Variants in CYB5B observed in about 807,000 individuals in gnomAD.
The protein encoded by CYB5B is cytochrome b5 type B (outer mitochondrial membrane).
A neutral mutation model predicts 21.3 loss-of-function variants in CYB5B; 14 were observed. That is an observed-to-expected ratio of 0.66 (90% CI 0.43 to 1.03). CYB5B has a LOEUF of 1.03. CYB5B is among the 50% of genes least tolerant of loss of function. The probability of loss-of-function intolerance (pLI) is 0.00; values close to 1 mark genes in which losing one functional copy is unlikely to be tolerated. For missense variants in CYB5B, 166 were observed against 185.1 expected (o/e 0.90, Z 0.60); for synonymous variants, 69 against 68.4 (o/e 1.01, Z -0.04).
chr16:69,452,623 T>C (rs1182743122), intron 3 of CYB5B, among the ~76,000 whole-genome samples: 3 of 152,150 alleles, frequency 2.0e-5, no homozygotes, highest in African/African-American at 7.2e-5. Flanking sequence ...TGAGCCAAGA[T>C]TGTGCCAGTG....
At chr16:69,446,774 C>T (rs943765453) in intron 1 of CYB5B, among the ~76,000 whole-genome samples, 2 of 152,188 alleles carry the variant, frequency 1.3e-5, no homozygotes, top group African/African-American at 4.8e-5. Context: ...CCTAGGATCA[C>T]CCATTATTCC....
chr16:69,430,673 C>CT (rs35661961), intron 1 of CYB5B, among the ~76,000 whole-genome samples: 59 of 127,584 alleles, frequency 4.6e-4, no homozygotes, highest in South Asian at 7.2e-4. Flanking sequence ...TATTTTAAAA[C>CT]TTTTTTTTTT....
intron 4 of CYB5B, among the ~76,000 whole-genome samples, chr16:69,461,861 A>G (rs1397984345): frequency 1.3e-5 from 2 of 152,206 alleles, no homozygotes; most frequent in African/African-American, 4.8e-5. Flanking sequence ...TGCAAAGCTT[A>G]TATTTCCCTT....
At chr16:69,429,554 C>G (rs1375056213) in intron 1 of CYB5B, among the ~76,000 whole-genome samples, 1 of 152,160 alleles carries the variant, frequency 6.6e-6, no homozygotes, top group Non-Finnish European at 1.5e-5. Context: ...GTCCAGCTGG[C>G]TTTGCCTTCT....
intron 1 of CYB5B, among the ~76,000 whole-genome samples, chr16:69,436,958 A>G (rs552051538): frequency 6.6e-5 from 10 of 152,324 alleles, no homozygotes; most frequent in African/African-American, 2.4e-4. Context: ...TTGTTGAAAC[A>G]TAGATTTTCT....
chr16:69,448,145 G>A lies in CYB5B; in HGVS notation c.333+1G>A. 1 of 1,613,058 alleles carries A rather than the reference G, an allele frequency of 6.2e-7. No individual in the cohort carries two copies. The highest frequency in any genetic ancestry group is 8.5e-7 in the Non-Finnish European group (1 of 1,179,748). On this transcript the variant is annotated splice_donor_variant, in intron 3 of 4. Coordinates refer to ENST00000307892, the MANE Select transcript of CYB5B (RefSeq NM_030579.3). LOFTEE classifies it high-confidence loss of function. ...CCTTAAACCTGAAAGTGGTAGCAAG[G>A]TAAGAAGTCAGCGGTTTGTCTTGTG...
chr16:69,445,729 C>T (rs911887051), intron 1 of CYB5B, among the ~76,000 whole-genome samples: 9 of 151,772 alleles, frequency 5.9e-5, no homozygotes, highest in Non-Finnish European at 1.0e-4. Flanking sequence ...TTTGGGAGGC[C>T]GAGGCTGGTG....
intron 1 of CYB5B, among the ~76,000 whole-genome samples, chr16:69,440,742 T>TTGTGTGTGTGTG (rs1555509697): frequency 1.0e-4 from 3 of 30,080 alleles, no homozygotes; most frequent in African/African-American, 2.8e-4. Context: ...GCCGTGTGTG[T>TTGTGTGTGTGTG]TGCGTGTGTG....
chr16:69,460,543 T>C (rs2015025013), intron 4 of CYB5B, among the ~76,000 whole-genome samples: 1 of 152,206 alleles, frequency 6.6e-6, no homozygotes, highest in South Asian at 2.1e-4. Flanking sequence ...TTGGAAAGTT[T>C]ATCACCGACT....
chr16:69,438,851 A>G lies in CYB5B; in HGVS notation c.175-8299A>G, dbSNP rs539906792. 1.1e-4 allele frequency among the ~76,000 whole-genome samples: 16 copies of G among 152,278 alleles called. 1 individual carries two copies. The highest frequency in any genetic ancestry group is 3.8e-4 in the African/African-American group (16 of 41,568). ...GGTTACAGTTCTTTATATATTCTGGATATTAATTCTTGATCAGATATATGA... is the reference window on the plus strand; with the variant it reads ...GGTTACAGTTCTTTATATATTCTGGGTATTAATTCTTGATCAGATATATGA... On this transcript the variant is annotated intron_variant, in intron 1 of 4. Transcript: ENST00000307892.
intron 1 of CYB5B, among the ~76,000 whole-genome samples, chr16:69,425,594 T>G (rs912197832): frequency 1.3e-5 from 2 of 152,172 alleles, no homozygotes; most frequent in African/African-American, 4.8e-5. Flanking sequence ...TTTATTGAGG[T>G]GTAATGTACA....
intron 4 of CYB5B, among the ~76,000 whole-genome samples, chr16:69,460,213 A>G (rs775315035): frequency 6.6e-6 from 1 of 152,068 alleles, no homozygotes; most frequent in Non-Finnish European, 1.5e-5. Context: ...CAGCCTGGGC[A>G]ACGAGAACGA....
Position 69,462,659 on chromosome 16 carries a change from A to G in CYB5B, c.*139A>G. 1.5e-6 allele frequency: 1 copy of G among 672,392 alleles called. No individual in the cohort carries two copies. Among genetic ancestry groups the G allele is most frequent in the Non-Finnish European group, 2.6e-6 (1 of 378,496 alleles). 41.7% of individuals were successfully genotyped at this position (672,392 alleles called of 1,614,324 possible). The stretch of plus-strand genomic sequence containing the variant: ...TTGGAGCCAAGACGATTGGCCAGAC[A>G]TCACCTCAGATCTGAGACCAGCGTC... On this transcript the variant is annotated 3_prime_UTR_variant, in exon 5 of 5. Coordinates refer to ENST00000307892, the MANE Select transcript of CYB5B (RefSeq NM_030579.3).
rs1376997730 is a variant in CYB5B, at chr16:69,465,372, C to G, written c.*2852C>G. ...AGTAGAGTCTAGTTTGAAATGACAC[C>G]AAAATTCCTCAGCCCCTACTCAGCA... On this transcript the variant is annotated 3_prime_UTR_variant, in exon 5 of 5. Coordinates refer to ENST00000307892, the MANE Select transcript of CYB5B (RefSeq NM_030579.3). 1 of 152,130 alleles carries G rather than the reference C, an allele frequency of 6.6e-6. No individual in the cohort carries two copies. The highest frequency in any genetic ancestry group is 6.5e-5 in the Admixed American group (1 of 15,276). 9.4% of individuals were successfully genotyped at this position (152,130 alleles called of 1,614,324 possible). A position where few individuals can be genotyped will look rare whatever the true frequency, so the allele number is the denominator to read the frequency against.
At chr16:69,454,919 A>G (rs890045816) in intron 3 of CYB5B, among the ~76,000 whole-genome samples, 4 of 151,908 alleles carry the variant, frequency 2.6e-5, no homozygotes, top group African/African-American at 9.7e-5. Context: ...TTTGAGACAG[A>G]GTGTCACTCT....
At chr16:69,449,297 C>T (rs757742634) in intron 3 of CYB5B, 1 of 152,016 alleles carries the variant, frequency 6.6e-6, no homozygotes, top group Non-Finnish European at 1.5e-5. Flanking sequence ...TTCCCCTTCC[C>T]TGGAGGTAAC....
intron 4 of CYB5B, among the ~76,000 whole-genome samples, chr16:69,461,592 G>A (rs1005102431): frequency 6.6e-6 from 1 of 152,174 alleles, no homozygotes; most frequent in Non-Finnish European, 1.5e-5. Flanking sequence ...TTGGATCATG[G>A]AAGAATTATA....
At chr16:69,441,212 G>C (rs2014819957) in intron 1 of CYB5B, among the ~76,000 whole-genome samples, 2 of 147,940 alleles carry the variant, frequency 1.4e-5, no homozygotes, top group African/African-American at 5.0e-5. Flanking sequence ...GGAGTGCAGT[G>C]GCACAATCTC....
At chr16:69,440,614 G>A (rs246134) in intron 1 of CYB5B, among the ~76,000 whole-genome samples, 53,844 of 151,942 alleles carry the variant, frequency 0.35, 10,599 homozygotes, top group Admixed American at 0.46. Context: ...GCAGTGGTTC[G>A]TTCTTTTTCA....
Sources: gnomAD v4.1 joint callset for allele counts (sites outside exome capture counted in the v4.1 genomes callset) on GRCh38, gnomAD v4.1.1 for gene constraint, MANE v1.5 for transcripts, NCBI Gene and HGNC (gene_info 2026-07-23, HGNC 2026-07-21) for gene names.